The following POU2F2 variants were observed in gnomAD, a reference collection of about 807,000 sequenced individuals.
POU2F2 encodes POU class 2 homeobox 2.
A neutral mutation model predicts 63.5 loss-of-function variants in POU2F2; 14 were observed. The observed-to-expected ratio is 0.22, with a 90% CI of 0.15 to 0.34. The LOEUF (loss-of-function observed/expected upper bound fraction) is 0.34. POU2F2 is among the 10% of genes least tolerant of loss of function. The pLI is 1.00. For missense variants in POU2F2, 607 were observed against 815.2 expected, an observed-to-expected ratio of 0.74 and a Z score of 3.11; for synonymous variants, 306 against 348.6, an observed-to-expected ratio of 0.88 and a Z score of 1.36.
chr19:42,154,662 C>T (rs978944691), intron 2 of POU2F2, among the ~76,000 whole-genome samples: 7 of 151,974 alleles, frequency 4.6e-5, no homozygotes, highest in Non-Finnish European at 8.8e-5. Flanking sequence ...AAAAGGCAGA[C>T]GGCAGATAGT....
chr19:42,095,427 G>C lies in POU2F2; in HGVS notation c.1056C>G (p.Ile352Met). 3.7e-6 allele frequency: 6 copies of C among 1,613,544 alleles called. No homozygotes were observed. The highest frequency in any genetic ancestry group is 5.1e-6 in the Non-Finnish European group (6 of 1,180,020). The part of the protein sequence containing the change: ...QKPTSEEILL[I>M]AEQLHMEKEV... ...CCTTCTCCATGTGCAGCTGCTCGGC[G>C]ATCAGCAGGATCTCCTCTGAGGTAG... The change falls in exon 11 of 15, where the codon ATC becomes ATG. Residue 352 changes from isoleucine to methionine, a missense_variant. Transcript: ENST00000692977. The surrounding 1 kb of genome is among the most constrained non-coding windows in gnomAD (Gnocchi z 7.1).
rs564935133 is a variant in POU2F2 at position 42,091,638 on chromosome 19, G to A, written c.1541-47C>T. 7 of 1,544,362 alleles carry A rather than the reference G, an allele frequency of 4.5e-6. No homozygotes were observed. The African/African-American group carries it at 6.8e-5, about 15-fold the overall frequency. On this transcript the variant is annotated intron_variant, in intron 14 of 14. Transcript: ENST00000692977. Reference sequence around the variant, plus strand: ...TGGGCTAAGGGCATGCCGGGCCAGGGGAGACCTTTGCCTTCCAGCATCCTG... The same window carrying A: ...TGGGCTAAGGGCATGCCGGGCCAGGAGAGACCTTTGCCTTCCAGCATCCTG...
chr19:42,122,715 C>G, intron 1 of POU2F2, 139 bp from the exon 2 acceptor site: 1 of 746,962 alleles, frequency 1.3e-6, no homozygotes, highest in Non-Finnish European at 2.1e-6. Context: ...TGTCTCTTCC[C>G]AAGAGACATG....
intron 2 of POU2F2, among the ~76,000 whole-genome samples, chr19:42,147,524 C>T (rs1402126986): frequency 1.3e-5 from 2 of 152,140 alleles, no homozygotes; most frequent in African/African-American, 2.4e-5. Flanking sequence ...GAAAATACAC[C>T]ATGCTGGTTC....
intron 5 of POU2F2, among the ~76,000 whole-genome samples, chr19:42,100,131 G>GC (rs2146371179): frequency 8.8e-6 from 1 of 113,316 alleles, no homozygotes; most frequent in Non-Finnish European, 1.6e-5. Flanking sequence ...TCGCTCTGTC[G>GC]CCCAGGCTGG....
intron 1 of POU2F2, among the ~76,000 whole-genome samples, chr19:42,172,722 G>T (rs758396480): frequency 6.6e-6 from 1 of 152,202 alleles, no homozygotes; most frequent in Non-Finnish European, 1.5e-5. Flanking sequence ...GCTCAACCAT[G>T]CTCATTTGCT....
chr19:42,180,120 C>A (rs1258115859), upstream of POU2F2, among the ~76,000 whole-genome samples: 1 of 152,094 alleles, frequency 6.6e-6, no homozygotes. Context: ...CACGGAACCA[C>A]CCCATAGCCA....
chr19:42,115,424 G>A (rs1277926368), intron 5 of POU2F2, among the ~76,000 whole-genome samples: 1 of 152,196 alleles, frequency 6.6e-6, no homozygotes, highest in East Asian at 1.9e-4. Context: ...TGGACGGAGT[G>A]AGAGAAAAGC....
chr19:42,166,984 CA>C (rs1361342377), intron 1 of POU2F2, among the ~76,000 whole-genome samples: 2 of 152,176 alleles, frequency 1.3e-5, no homozygotes, highest in Admixed American at 1.3e-4. Context: ...ACAAAACATT[CA>C]ATGAGCACTT....
Position 42,113,182 on chromosome 19 carries a change from T to A in POU2F2, c.369+4068A>T, listed in dbSNP as rs116592895. Among the ~76,000 whole-genome samples, 1,446 of 152,218 alleles carry A rather than the reference T, an allele frequency of 9.5e-3. 28 individuals are homozygous for A. The highest frequency in any genetic ancestry group is 0.033 in the African/African-American group (1,381 of 41,526). On this transcript the variant is annotated intron_variant, in intron 5 of 14. Transcript: ENST00000692977. Reference sequence around the variant, plus strand: ...ATGGTCCTATTAGGAAAATAGGAAATTTTCCCCCCTACTCTCCAATATAAA... The same window carrying A: ...ATGGTCCTATTAGGAAAATAGGAAAATTTCCCCCCTACTCTCCAATATAAA...
chr19:42,129,835 CACA>C (rs1311467621), intron 1 of POU2F2, among the ~76,000 whole-genome samples: 1 of 152,200 alleles, frequency 6.6e-6, no homozygotes, highest in Non-Finnish European at 1.5e-5. Flanking sequence ...AGGCAGCAGA[CACA>C]ACAAGAGAGG....
chr19:42,146,499 T>A (rs1169022029), intron 2 of POU2F2, among the ~76,000 whole-genome samples: 1 of 152,246 alleles, frequency 6.6e-6, no homozygotes, highest in Non-Finnish European at 1.5e-5. Context: ...GGATGCAGAT[T>A]GCACAATGCT....
rs1223809527 is a variant in POU2F2, at chr19:42,087,668, A to C, written c.*3589T>G. 1 of 151,162 alleles carries C rather than the reference A, an allele frequency of 6.6e-6. No individual in the cohort carries two copies. The highest frequency in any genetic ancestry group is 2.4e-5 in the African/African-American group (1 of 40,968). The allele number at this position is 151,162 out of a possible 1,614,324, so 9.4% of individuals were successfully genotyped here. A position where few individuals can be genotyped will look rare whatever the true frequency, so the allele number is the denominator to read the frequency against. ...AGACCCAGTCTCTGTCCCTCCCTTA[A>C]GTAGGAGGTCAGGGTTGGGGAGAAG... On this transcript the variant is annotated 3_prime_UTR_variant, in exon 15 of 15. Transcript: ENST00000692977.
intron 1 of POU2F2, among the ~76,000 whole-genome samples, chr19:42,127,821 C>G (rs1229492964): frequency 6.6e-6 from 1 of 152,040 alleles, no homozygotes; most frequent in East Asian, 1.9e-4. Context: ...CACTATGTCT[C>G]CCCTATCAGA....
intron 5 of POU2F2, among the ~76,000 whole-genome samples, chr19:42,101,531 G>A (rs1031585595): frequency 1.3e-5 from 2 of 152,158 alleles, no homozygotes. Flanking sequence ...CTCCATCACA[G>A]CCCTCAGAAG....
chr19:42,087,137 G>A lies in POU2F2; in HGVS notation c.*4120C>T, dbSNP rs893461529. 1 of 147,502 alleles carries A rather than the reference G, an allele frequency of 6.8e-6. No homozygotes were observed. Among genetic ancestry groups the A allele is most frequent in the African/African-American group, 2.5e-5 (1 of 39,964 alleles). 9.1% of individuals were successfully genotyped at this position (147,502 alleles called of 1,614,324 possible). A position where few individuals can be genotyped will look rare whatever the true frequency, so the allele number is the denominator to read the frequency against. On this transcript the variant is annotated 3_prime_UTR_variant, in exon 15 of 15. Transcript: ENST00000692977. ...TAAAAAGGTAGCGGAGTTGTCTGTG[G>A]GTTTTTTTTTTTTTTTAAATGGTTA...
At chr19:42,179,267 GAAGA>G (rs1408125719), upstream of POU2F2, among the ~76,000 whole-genome samples, 2 of 151,724 alleles carry the variant, frequency 1.3e-5, no homozygotes, top group African/African-American at 4.8e-5. Context: ...GAGAGGAGGG[GAAGA>G]AAGAGAGGAG....
chr19:42,091,562 T>C lies in POU2F2; in HGVS notation c.1570A>G (p.Thr524Ala). 1 of 1,552,670 alleles carries C rather than the reference T, an allele frequency of 6.4e-7. No individual in the cohort carries two copies. Among genetic ancestry groups the C allele is most frequent in the Admixed American group, 1.9e-5 (1 of 51,764 alleles). The change falls in exon 15 of 15, where the codon ACC becomes GCC. Residue 524 changes from threonine to alanine, a missense_variant. Transcript: ENST00000692977. ...AGATTCCCGCTGCCATCAAGGCTGG[T>C]AAGGGGCAGGGTTCCACCAGAGGCC... ...ALASGGTLPLTSLDGSGNLVL... is the reference protein window; with the variant it reads ...ALASGGTLPLASLDGSGNLVL...
chr19:42,096,309 C>T lies in POU2F2; in HGVS notation c.568-66G>A. ...CCAGGATGGGGCTCAGCGATGGGTGCACAGTCCCCCTCCCGCCCTCTTCGC... is the reference window on the plus strand; with the variant it reads ...CCAGGATGGGGCTCAGCGATGGGTGTACAGTCCCCCTCCCGCCCTCTTCGC... On this transcript the variant is annotated intron_variant, in intron 7 of 14. Transcript: ENST00000692977. This position sits in a 1 kb window ranked among gnomAD's most constrained non-coding sequence, Gnocchi z 4.1. 3 of 1,423,800 alleles carry T rather than the reference C, an allele frequency of 2.1e-6. No homozygotes were observed. Among genetic ancestry groups the T allele is most frequent in the Non-Finnish European group, 1.9e-6 (2 of 1,069,000 alleles). The allele number at this position is 1,423,800 out of a possible 1,614,324, so 88.2% of individuals were successfully genotyped here.
Sources: allele counts gnomAD v4.1 joint callset (sites outside exome capture counted in the v4.1 genomes callset), GRCh38; gene constraint gnomAD v4.1.1; non-coding constraint Gnocchi (gnomAD v3.1); transcripts MANE v1.5; gene names NCBI Gene and HGNC (gene_info 2026-07-23, HGNC 2026-07-21).